GRID2: variants seen among roughly 807,000 people sequenced by gnomAD.
GRID2 encodes glutamate ionotropic receptor delta type subunit 2, also known as glutamate receptor ionotropic, delta-2.
In GRID2, 33 loss-of-function variants were observed where a neutral mutation model predicts 114.8. The observed-to-expected ratio is 0.29, with a 90% CI of 0.22 to 0.38. GRID2 has a LOEUF of 0.38. GRID2 is among the 10% of genes least tolerant of loss of function. GRID2 has a pLI of 1.00. For missense variants in GRID2, 1,184 were observed against 1,257.7 expected (o/e 0.94, Z 0.89); for synonymous variants, 505 against 449.9 (o/e 1.12, Z -1.55).
intron 2 of GRID2, among the ~76,000 whole-genome samples, chr4:92,767,282 C>T (rs909024548): frequency 3.3e-5 from 5 of 152,058 alleles, no homozygotes; most frequent in African/African-American, 1.2e-4. Context: ...AACAAAGGTG[C>T]CTTGCTAACT....
At chr4:93,608,357 T>A (rs1310844194) in intron 13 of GRID2, among the ~76,000 whole-genome samples, 1 of 143,626 alleles carries the variant, frequency 7.0e-6, no homozygotes, top group East Asian at 2.0e-4. Context: ...CATGTGCACA[T>A]TGTGCAGGTT....
chr4:92,652,307 G>A lies in GRID2; in HGVS notation c.244+62021G>A, dbSNP rs1267863611. On this transcript the variant is annotated intron_variant, in intron 2 of 15. Coordinates refer to ENST00000282020, the MANE Select transcript of GRID2 (RefSeq NM_001510.4). ...CCATATATTCACAGACAGAAATAAT[G>A]TTTTACCAGCCACCTGGGCATCCTG... Among the ~76,000 whole-genome samples the A allele has an allele frequency of 8.6e-5, 13 of 151,982 alleles. 1 individual carries two copies.
intron 2 of GRID2, among the ~76,000 whole-genome samples, chr4:92,623,400 T>A (rs899435557): frequency 6.6e-6 from 1 of 151,300 alleles, no homozygotes; most frequent in African/African-American, 2.4e-5. Context: ...AAAAAATCAC[T>A]CTCTGGACTG....
chr4:93,044,968 T>A (rs1725988160), intron 2 of GRID2, among the ~76,000 whole-genome samples: 1 of 152,082 alleles, frequency 6.6e-6, no homozygotes, highest in Non-Finnish European at 1.5e-5. Flanking sequence ...TGAGAGAAAA[T>A]AGCTCATAAT....
chr4:92,942,177 T>A (rs915658922), intron 2 of GRID2, among the ~76,000 whole-genome samples: 1 of 152,166 alleles, frequency 6.6e-6, no homozygotes, highest in Non-Finnish European at 1.5e-5. Context: ...GGTGTTAAAG[T>A]CTCCCATTAT....
At chr4:93,709,687 G>A (rs561913111) in intron 14 of GRID2, among the ~76,000 whole-genome samples, 6 of 152,170 alleles carry the variant, frequency 3.9e-5, no homozygotes, top group South Asian at 2.1e-4. Context: ...GTCTTACTCC[G>A]TGTCTCCTCT....
intron 13 of GRID2, among the ~76,000 whole-genome samples, chr4:93,611,758 G>T (rs1202730896): frequency 2.9e-5 from 4 of 138,834 alleles, no homozygotes; most frequent in Non-Finnish European, 4.7e-5. Context: ...TTTGGAATAG[G>T]TGTGGTGTGG....
intron 14 of GRID2, among the ~76,000 whole-genome samples, chr4:93,758,354 C>T (rs572005327): frequency 6.6e-6 from 1 of 152,318 alleles, no homozygotes; most frequent in South Asian, 2.1e-4. Context: ...TATCCACAAA[C>T]TGTAATACAA....
At chr4:93,153,407 A>G (rs2149399585) in intron 4 of GRID2, among the ~76,000 whole-genome samples, 1 of 152,184 alleles carries the variant, frequency 6.6e-6, no homozygotes, top group East Asian at 1.9e-4. Flanking sequence ...TACTCAGAGG[A>G]CAGGAAAAAA....
intron 2 of GRID2, among the ~76,000 whole-genome samples, chr4:92,604,420 C>T (rs1729359753): frequency 6.6e-6 from 1 of 152,048 alleles, no homozygotes; most frequent in Admixed American, 6.6e-5. Context: ...CTATTTTCCT[C>T]AGCAAACTAA....
intron 2 of GRID2, among the ~76,000 whole-genome samples, chr4:92,600,923 A>G (rs1274651224): frequency 6.6e-6 from 1 of 152,226 alleles, no homozygotes; most frequent in Admixed American, 6.5e-5. Flanking sequence ...GAGGAAGTGC[A>G]CTGTGCTGGG....
intron 2 of GRID2, among the ~76,000 whole-genome samples, chr4:92,984,799 T>G (rs1754407613): frequency 6.6e-6 from 1 of 152,128 alleles, no homozygotes. Flanking sequence ...CTTGACAATT[T>G]TAATGAGTAG....
chr4:93,471,835 G>C (rs1299527161), intron 11 of GRID2, among the ~76,000 whole-genome samples: 1 of 147,596 alleles, frequency 6.8e-6, no homozygotes, highest in Non-Finnish European at 1.5e-5. Flanking sequence ...AAAGTAGCTG[G>C]GATTACAGGC....
At chr4:93,780,745 A>G (rs886131625) in intron 1 of GRID2, among the ~76,000 whole-genome samples, 10 of 152,232 alleles carry the variant, frequency 6.6e-5, no homozygotes, top group Non-Finnish European at 1.0e-4. Context: ...AACCATGGAA[A>G]GTGTGAAAAC....
At chr4:92,399,543 CTTAA>C (rs1165894362) in intron 1 of GRID2, among the ~76,000 whole-genome samples, 1 of 151,904 alleles carries the variant, frequency 6.6e-6, no homozygotes, top group African/African-American at 2.4e-5. Flanking sequence ...TTTGTGATCT[CTTAA>C]TTTAGTTTTG....
chr4:92,666,650 G>GTTTTTTGTTTTTTTTTTTTTT (rs1286942855), intron 2 of GRID2, among the ~76,000 whole-genome samples: 1 of 68,592 alleles, frequency 1.5e-5, no homozygotes, highest in African/African-American at 5.2e-5. Context: ...CTTAAGGGTT[G>GTTTTTTGTTTTTTTTTTTTTT]TTTTTTTTTT....
Position 93,150,849 on chromosome 4 carries a change from G to A in GRID2, c.735+39896G>A, listed in dbSNP as rs148558036. Among the ~76,000 whole-genome samples, 457 of 151,982 alleles carry A rather than the reference G, an allele frequency of 3.0e-3. 7 individuals carry two copies. In the East Asian group the frequency reaches 0.037, roughly 12 times the overall value. On this transcript the variant is annotated intron_variant, in intron 4 of 15. Coordinates refer to ENST00000282020, the MANE Select transcript of GRID2 (RefSeq NM_001510.4). ...ACCCACAGAAATACAGTCAGAGGTC[G>A]GGCGCGGTGGCTCTCGCCTGTAATC... is the stretch of plus-strand genomic sequence containing the variant.
At chr4:93,198,545 C>G (rs1741739461) in intron 4 of GRID2, among the ~76,000 whole-genome samples, 1 of 152,214 alleles carries the variant, frequency 6.6e-6, no homozygotes, top group African/African-American at 2.4e-5. Context: ...ATACGTACAA[C>G]ATGGCCCTCA....
At chr4:92,838,823 C>T (rs905878416) in intron 2 of GRID2, 2 of 151,910 alleles carry the variant, frequency 1.3e-5, no homozygotes, top group African/African-American at 4.8e-5. Context: ...GAACTTTAGC[C>T]CCAATTTTCT....
Sources: gnomAD v4.1 joint callset for allele counts (sites outside exome capture counted in the v4.1 genomes callset) on GRCh38, gnomAD v4.1.1 for gene constraint, MANE v1.5 for transcripts, NCBI Gene and HGNC (gene_info 2026-07-23, HGNC 2026-07-21) for gene names.